CAPN8: variants seen among roughly 807,000 people sequenced by gnomAD.
The protein encoded by CAPN8 is calpain-8.
A neutral mutation model predicts 80.9 loss-of-function variants in CAPN8; 87 were observed. The ratio of observed to expected loss-of-function variants is 1.07; its 90% confidence interval spans 0.90 to 1.28. The LOEUF (loss-of-function observed/expected upper bound fraction) is 1.28, where lower values mean the gene tolerates loss of function less well. CAPN8 is among the 50% of genes most tolerant of loss of function. The pLI is 0.00. For synonymous variants in CAPN8, 299 were observed against 273.8 expected (o/e 1.09, Z -0.91); for missense variants, 757 against 702.0 (o/e 1.08, Z -0.89).
At chr1:223,544,907 C>G (rs994124138) in intron 17 of CAPN8, 57 bp from the exon 18 acceptor site, 1 of 1,549,718 alleles carries the variant, frequency 6.5e-7, no homozygotes, top group Non-Finnish European at 8.7e-7. Context: ...CCTGCCAGAA[C>G]CATCTCCCTC....
chr1:223,609,390 A>G (rs1267830664), intron 11 of CAPN8, 26 bp from the exon 12 acceptor site: 2 of 398,462 alleles, frequency 5.0e-6, no homozygotes, highest in Non-Finnish European at 8.8e-6. Context: ...AGCAGAGTCA[A>G]TTTCTTGTTA....
rs2102693013 is a variant in CAPN8, at chr1:223,553,920, CA to C, written c.1573-21del. ...ATGTGGCTAAAAAGAAGGACATTTGCAAAGTTAAAATGGGAATCGTCAAGGA... is the reference window on the plus strand; with the variant it reads ...ATGTGGCTAAAAAGAAGGACATTTGCAAGTTAAAATGGGAATCGTCAAGGA... On this transcript the variant is annotated intron_variant, in intron 13 of 20. Coordinates refer to ENST00000366872, the MANE Select transcript of CAPN8 (RefSeq NM_001143962.2). 5.0e-6 allele frequency: 2 copies of C among 398,606 alleles called. No homozygotes were observed. The highest frequency in any genetic ancestry group is 7.1e-5 in the East Asian group (2 of 28,078). The allele number at this position is 398,606 out of a possible 1,614,324, so 24.7% of individuals were successfully genotyped here.
chr1:223,618,319 G>A, intron 9 of CAPN8: 2 of 1,549,930 alleles, frequency 1.3e-6, no homozygotes, highest in Non-Finnish European at 8.7e-7. Context: ...TGCGAGCCAG[G>A]AAAGCTTCCC....
chr1:223,625,893 G>A lies in CAPN8; in HGVS notation c.730-5C>T, dbSNP rs377765505. 3.7e-5 allele frequency: 57 copies of A among 1,549,900 alleles called. No homozygotes were observed. In the Middle Eastern group the frequency reaches 6.7e-4, roughly 18 times the overall value. ...GGCTTCGGCTGCACTGGAGACCTGC[G>A]TAGAGAAGAAAGTCCACTCAGTGGC... On this transcript the variant is annotated splice_polypyrimidine_tract_variant and splice_region_variant and intron_variant, in intron 5 of 20. Coordinates refer to ENST00000366872, the MANE Select transcript of CAPN8 (RefSeq NM_001143962.2).
Position 223,544,811 on chromosome 1 carries a change from T to C in CAPN8, c.1873A>G (p.Ile625Val). The C allele has an allele frequency of 6.4e-7, 1 of 1,551,720 alleles. No individual in the cohort carries two copies. The highest frequency in any genetic ancestry group is 8.7e-7 in the Non-Finnish European group (1 of 1,147,000). ...WETDYNHSGT[I>V]DAHEMRTALR... ...GCTGTCCTCATCTCGTGGGCATCGA[T>C]GGTGCCCGAGTGGTTATAATCAGTT... Residue 625 changes from isoleucine to valine, a missense_variant, in exon 18 of 21, where the codon ATC (isoleucine) becomes GTC (valine). Ile to Val is a conservative substitution (Grantham distance 29). Transcript: ENST00000366872.
In CAPN8 at chr1:223,625,787, C is replaced by A. The variant is rs1195025480; in HGVS notation, c.813+18G>T. 1.3e-6 allele frequency: 2 copies of A among 1,540,464 alleles called. No homozygotes were observed. The highest frequency in any genetic ancestry group is 1.4e-5 in the African/African-American group (1 of 73,000). On this transcript the variant is annotated intron_variant, in intron 6 of 20. Coordinates refer to ENST00000366872, the MANE Select transcript of CAPN8 (RefSeq NM_001143962.2). The stretch of plus-strand genomic sequence containing the variant: ...ATATTATCACACGTTACCTTCCCCA[C>A]CTTCCACACAATTTTACCTCTTCGA...
At chr1:223,647,729 C>CA (rs1189512395) in intron 2 of CAPN8, among the ~76,000 whole-genome samples, 2 of 151,792 alleles carry the variant, frequency 1.3e-5, no homozygotes, top group African/African-American at 2.4e-5. Context: ...ATGCTTCAGA[C>CA]AAAAAATAGG....
At chr1:223,554,391 G>A (rs1471721060) in intron 13 of CAPN8, among the ~76,000 whole-genome samples, 3 of 152,044 alleles carry the variant, frequency 2.0e-5, no homozygotes, top group Admixed American at 6.6e-5. Flanking sequence ...AGGCTGAGGC[G>A]GGCAGGTCAC....
rs1167290653 is a variant in CAPN8, at chr1:223,619,282, C to T, written c.1135+11G>A. On this transcript the variant is annotated intron_variant, in intron 9 of 20. Coordinates refer to ENST00000366872, the MANE Select transcript of CAPN8 (RefSeq NM_001143962.2). Reference sequence around the variant, plus strand: ...TGGAGGAGGTTGGGCCAAGGCAGCCCTTCACCTTACCTGGGTAGTTCTGGC... The same window carrying T: ...TGGAGGAGGTTGGGCCAAGGCAGCCTTTCACCTTACCTGGGTAGTTCTGGC... 1 of 1,551,480 alleles carries T rather than the reference C, an allele frequency of 6.4e-7. No homozygotes were observed. Among genetic ancestry groups the T allele is most frequent in the South Asian group, 1.2e-5 (1 of 84,042 alleles).
At chr1:223,549,839 T>C (rs534428739) in intron 15 of CAPN8, among the ~76,000 whole-genome samples, 89 of 152,334 alleles carry the variant, frequency 5.8e-4, no homozygotes, top group African/African-American at 1.9e-3. Context: ...GGTATTGTTA[T>C]AAGCACTGCA....
At chr1:223,550,833 C>T (rs1180224700) in intron 15 of CAPN8, 127 bp downstream of exon 15, 1 of 598,144 alleles carries the variant, frequency 1.7e-6, no homozygotes, top group African/African-American at 1.9e-5. Flanking sequence ...ATCAGGGCTC[C>T]TGGGGTCAGA....
At position 223,654,396 on chromosome 1, in the gene CAPN8, A is replaced by ACTCC; in HGVS notation, c.238-1_240dup (p.Leu81GlyfsTer25). On this transcript the variant is annotated frameshift_variant, in exon 2 of 21. Coordinates refer to ENST00000366872, the MANE Select transcript of CAPN8 (RefSeq NM_001143962.2). LOFTEE classifies it high-confidence loss of function. Reference sequence around the variant, plus strand: ...ACGATAAACTGAGGGCTGGGACACAACTCCTGAAAGTAATTTGGAACAAAA... The same window carrying ACTCC: ...ACGATAAACTGAGGGCTGGGACACAACTCCCTCCTGAAAGTAATTTGGAACAAAA... The ACTCC allele has an allele frequency of 6.4e-7, 1 of 1,551,624 alleles. No individual in the cohort carries two copies. Among genetic ancestry groups the ACTCC allele is most frequent in the South Asian group, 1.2e-5 (1 of 84,058 alleles).
chr1:223,542,015 A>G (rs1398209596), intron 20 of CAPN8, among the ~76,000 whole-genome samples, 156 bp from the exon 21 acceptor site: 1 of 152,164 alleles, frequency 6.6e-6, no homozygotes, highest in Non-Finnish European at 1.5e-5. Context: ...GGCTTTCACT[A>G]TATCACTAAC....
At chr1:223,541,968 C>T in intron 20 of CAPN8, 109 bp from the exon 21 acceptor site, 1 of 1,500,320 alleles carries the variant, frequency 6.7e-7, no homozygotes, top group Non-Finnish European at 9.1e-7. Flanking sequence ...TCTCCATTCT[C>T]CAGTAAGTGC....
At chr1:223,542,533 G>A (rs753745667) in intron 20 of CAPN8, among the ~76,000 whole-genome samples, 4 of 152,124 alleles carry the variant, frequency 2.6e-5, no homozygotes, top group Non-Finnish European at 4.4e-5. Context: ...CACCGCCTCA[G>A]AATCAAGTCA....
intron 20 of CAPN8, 122 bp from the exon 21 acceptor site, chr1:223,541,981 T>C: frequency 6.8e-7 from 1 of 1,463,226 alleles, no homozygotes; most frequent in Non-Finnish European, 9.4e-7. Flanking sequence ...GTAAGTGCCT[T>C]GCTCAAACAT....
chr1:223,545,195 C>A, intron 17 of CAPN8, 36 bp downstream of exon 17: 1 of 1,551,562 alleles, frequency 6.4e-7, no homozygotes, highest in Non-Finnish European at 8.7e-7. Flanking sequence ...AGGATTAGAA[C>A]AGAGGAGAGG....
intron 1 of CAPN8, among the ~76,000 whole-genome samples, chr1:223,656,516 T>C (rs942031561): frequency 1.3e-5 from 2 of 151,748 alleles, no homozygotes; most frequent in Non-Finnish European, 2.9e-5. Flanking sequence ...AACTAATACA[T>C]GAACATGAGA....
chr1:223,549,491 G>A (rs866649687), intron 15 of CAPN8, 109 bp from the exon 16 acceptor site: 134 of 1,503,892 alleles, frequency 8.9e-5, no homozygotes, highest in Middle Eastern at 5.0e-4. Context: ...GTGTGGAACC[G>A]AACTTGGTCT....
Sources: allele counts gnomAD v4.1 joint callset (sites outside exome capture counted in the v4.1 genomes callset), GRCh38; gene constraint gnomAD v4.1.1; transcripts MANE v1.5; gene names NCBI Gene and HGNC (gene_info 2026-07-23, HGNC 2026-07-21).